Variants in LRRTM4 observed in about 807,000 individuals in gnomAD.
LRRTM4 encodes the protein leucine rich repeat transmembrane neuronal 4.
A neutral mutation model predicts 47.6 loss-of-function variants in LRRTM4; 25 were observed. The ratio of observed to expected loss-of-function variants is 0.53; its 90% confidence interval spans 0.38 to 0.73. The LOEUF is 0.73. Among genes scored for constraint, LRRTM4 ranks in the 30% least tolerant of loss-of-function variants. LRRTM4 has a pLI of 0.00. For synonymous variants in LRRTM4, 311 were observed against 269.5 expected (o/e 1.15, Z -1.51); for missense variants, 638 against 713.4 (o/e 0.89, Z 1.20).
intron 3 of LRRTM4, among the ~76,000 whole-genome samples, chr2:76,807,459 C>CATATATATATACATAT (rs1390764299): frequency 1.1e-4 from 9 of 85,592 alleles, no homozygotes; most frequent in East Asian, 5.0e-4. Flanking sequence ...TATATATATA[C>CATATATATATACATAT]ATATATATAT....
At chr2:77,392,354 G>GT (rs1673537538) in intron 3 of LRRTM4, among the ~76,000 whole-genome samples, 1 of 151,308 alleles carries the variant, frequency 6.6e-6, no homozygotes, top group Non-Finnish European at 1.5e-5. Context: ...CAACCGCCTT[G>GT]GGCACATGTT....
chr2:77,015,280 C>A (rs1008064631), intron 3 of LRRTM4, among the ~76,000 whole-genome samples: 2 of 152,108 alleles, frequency 1.3e-5, no homozygotes, highest in Admixed American at 1.3e-4. Flanking sequence ...GTATATATTT[C>A]CCATTGGTTC....
intron 3 of LRRTM4, among the ~76,000 whole-genome samples, chr2:77,337,028 G>T (rs1368275736): frequency 1.3e-5 from 2 of 152,068 alleles, no homozygotes; most frequent in Non-Finnish European, 2.9e-5. Context: ...AAAGTTTAAG[G>T]ATACAAAATC....
intron 3 of LRRTM4, among the ~76,000 whole-genome samples, chr2:76,818,660 T>C (rs979416574): frequency 6.6e-6 from 1 of 151,760 alleles, no homozygotes; most frequent in African/African-American, 2.4e-5. Flanking sequence ...ATCCAATTAA[T>C]ATTTAAGGTC....
chr2:77,348,440 C>T (rs1203231369), intron 3 of LRRTM4, among the ~76,000 whole-genome samples: 1 of 150,436 alleles, frequency 6.6e-6, no homozygotes, highest in Non-Finnish European at 1.5e-5. Context: ...ATTATATATA[C>T]ACACATTTAA....
chr2:77,112,948 G>A (rs1274836626), intron 3 of LRRTM4, among the ~76,000 whole-genome samples: 1 of 152,126 alleles, frequency 6.6e-6, no homozygotes, highest in Non-Finnish European at 1.5e-5. Flanking sequence ...TCTTGAGCAT[G>A]CTCATCCGAG....
At chr2:76,984,149 CA>C (rs1230801583) in intron 3 of LRRTM4, among the ~76,000 whole-genome samples, 3 of 151,644 alleles carry the variant, frequency 2.0e-5, no homozygotes, top group African/African-American at 7.3e-5. Flanking sequence ...AATAGACACA[CA>C]AAACAGAAGA....
intron 3 of LRRTM4, among the ~76,000 whole-genome samples, chr2:77,362,836 G>A (rs1316653683): frequency 2.0e-5 from 3 of 152,102 alleles, no homozygotes; most frequent in African/African-American, 4.8e-5. Flanking sequence ...CATGCCTGTA[G>A]GATTGAGAGT....
At chr2:76,763,527 C>G (rs988216782) in intron 3 of LRRTM4, among the ~76,000 whole-genome samples, 2 of 152,198 alleles carry the variant, frequency 1.3e-5, no homozygotes, top group African/African-American at 4.8e-5. Context: ...TCTTGGACTT[C>G]CGGCTTCCAG....
At chr2:77,447,338 G>A (rs1676092032) in intron 3 of LRRTM4, among the ~76,000 whole-genome samples, 1 of 151,954 alleles carries the variant, frequency 6.6e-6, no homozygotes, top group Admixed American at 6.6e-5. Context: ...ATTTATATGT[G>A]TACAGATATA....
At chr2:77,297,510 T>G (rs1425306246) in intron 3 of LRRTM4, among the ~76,000 whole-genome samples, 1 of 152,174 alleles carries the variant, frequency 6.6e-6, no homozygotes, top group African/African-American at 2.4e-5. Flanking sequence ...AAGTTTGATC[T>G]TCAGGCATCT....
At chr2:77,397,146 A>G (rs13422318) in intron 3 of LRRTM4, among the ~76,000 whole-genome samples, 4,695 of 152,002 alleles carry the variant, frequency 0.031, 97 homozygotes, top group South Asian at 0.094. Flanking sequence ...TGCCTAGCTG[A>G]TTATCAAAAC....
At chr2:77,321,453 G>A (rs911565352) in intron 3 of LRRTM4, among the ~76,000 whole-genome samples, 2 of 148,742 alleles carry the variant, frequency 1.3e-5, no homozygotes, top group South Asian at 4.2e-4. Flanking sequence ...CCCATACAGG[G>A]GACATTAGAA....
At chr2:77,200,112 T>C (rs761993165) in intron 3 of LRRTM4, among the ~76,000 whole-genome samples, 9 of 152,064 alleles carry the variant, frequency 5.9e-5, no homozygotes, top group Non-Finnish European at 1.3e-4. Context: ...AATAACAGTG[T>C]TTCCCAACAT....
chr2:76,849,949 G>A (rs946499403), intron 3 of LRRTM4, among the ~76,000 whole-genome samples: 1 of 152,148 alleles, frequency 6.6e-6, no homozygotes, highest in Non-Finnish European at 1.5e-5. Context: ...TTGGTGGAGT[G>A]AAGTGAAAGG....
At chr2:77,014,169 G>A (rs774716829) in intron 3 of LRRTM4, among the ~76,000 whole-genome samples, 5 of 152,080 alleles carry the variant, frequency 3.3e-5, no homozygotes, top group East Asian at 3.9e-4. Context: ...TAGAGAGGGC[G>A]GATCAAGAGG....
intron 3 of LRRTM4, among the ~76,000 whole-genome samples, chr2:77,239,984 T>G (rs1157255434): frequency 6.6e-6 from 1 of 151,930 alleles, no homozygotes; most frequent in African/African-American, 2.4e-5. Context: ...TACACAGTTT[T>G]TTCAAGTGCA....
chr2:76,848,474 A>G (rs1461147221), intron 3 of LRRTM4, among the ~76,000 whole-genome samples: 1 of 152,058 alleles, frequency 6.6e-6, no homozygotes, highest in African/African-American at 2.4e-5. Context: ...CTTTTGGAGG[A>G]TATTTTGACA....
chr2:77,434,906 C>T (rs1675530379), intron 3 of LRRTM4, among the ~76,000 whole-genome samples: 1 of 151,946 alleles, frequency 6.6e-6, no homozygotes, highest in Admixed American at 6.6e-5. Context: ...AATATGTAAA[C>T]TGTAGCTATA....
Sources: gnomAD v4.1 joint callset for allele counts (sites outside exome capture counted in the v4.1 genomes callset) on GRCh38, gnomAD v4.1.1 for gene constraint, MANE v1.5 for transcripts, NCBI Gene and HGNC (gene_info 2026-07-23, HGNC 2026-07-21) for gene names.